Variants in PCYT1B observed in about 807,000 individuals in gnomAD.
The protein encoded by PCYT1B is phosphate cytidylyltransferase 1B, choline.
A neutral mutation model predicts 26.4 loss-of-function variants in PCYT1B; 10 were observed. The ratio of observed to expected loss-of-function variants is 0.38; its 90% CI spans 0.23 to 0.64. PCYT1B has a LOEUF of 0.64. Ranked by LOEUF, PCYT1B falls within the 30% of genes least tolerant of loss-of-function variation. The probability of loss-of-function intolerance (pLI) is 0.56; values close to 1 mark genes in which losing one functional copy is unlikely to be tolerated. For synonymous variants in PCYT1B, 131 were observed against 108.4 expected (o/e 1.21, Z -1.29); for missense variants, 161 against 292.7 (o/e 0.55, Z 3.28).
At chrX:24,658,706 A>G (rs1216402563) in intron 1 of PCYT1B, among the ~76,000 whole-genome samples, 1 of 111,204 alleles carries the variant, frequency 9.0e-6, no homozygotes, top group African/African-American at 3.3e-5. Context: ...TGGATAATCC[A>G]GGATAATCTC....
At chrX:24,579,505 C>A (rs928978237) in intron 5 of PCYT1B, 47 bp from the exon 6 acceptor site, 1 of 1,137,139 alleles carries the variant, frequency 8.8e-7, no homozygotes, top group African/African-American at 1.8e-5. Context: ...AAGATCACCT[C>A]AGTTGACCCA....
At position 24,577,799 on chromosome X, in the gene PCYT1B, G is replaced by T. The variant is rs758730770; in HGVS notation, c.708+1517C>A. On this transcript the variant is annotated intron_variant, in intron 6 of 7. Transcript: ENST00000379144. Reference sequence around the variant, plus strand: ...CGTCTATTTTGGGGGTTAGAATTCTGTATGTACGGAGGGTTCTTATTTTAA... The same window carrying T: ...CGTCTATTTTGGGGGTTAGAATTCTTTATGTACGGAGGGTTCTTATTTTAA... 9.8e-5 allele frequency among the ~76,000 whole-genome samples: 11 copies of T among 111,886 alleles called. No individual in the cohort carries two copies. The South Asian group carries it at 4.1e-3, about 42-fold the overall frequency.
At position 24,560,708 on chromosome X, in the gene PCYT1B, G is replaced by A. The variant is rs1923378513; in HGVS notation, c.*1585C>T. On this transcript the variant is annotated 3_prime_UTR_variant, in exon 8 of 8. Coordinates refer to ENST00000379144, the MANE Select transcript of PCYT1B (RefSeq NM_004845.5). ...TCACTGGTTGTCCCCTTGTCACCTA[G>A]AAGGCTGGTTCCCAAGGCCTCTGAA... 8.9e-6 allele frequency: 1 copy of A among 111,837 alleles called. No individual in the cohort carries two copies. The highest frequency in any genetic ancestry group is 1.9e-5 in the Non-Finnish European group (1 of 53,128). 9.2% of individuals were successfully genotyped at this position (111,837 alleles called of 1,213,427 possible).
chrX:24,583,515 C>T (rs1329197053), intron 5 of PCYT1B, among the ~76,000 whole-genome samples: 1 of 112,307 alleles, frequency 8.9e-6, no homozygotes, highest in Non-Finnish European at 1.9e-5. Flanking sequence ...AAGTCACTAA[C>T]TTTAGGAGTC....
chrX:24,623,706 C>T (rs1177547209), intron 1 of PCYT1B, among the ~76,000 whole-genome samples: 2 of 111,270 alleles, frequency 1.8e-5, no homozygotes, highest in Non-Finnish European at 3.8e-5. Context: ...ATATGTTGAG[C>T]ATTTCATGTA....
chrX:24,573,157 CACACACATAT>C (rs775927716), intron 7 of PCYT1B, among the ~76,000 whole-genome samples: 17 of 96,533 alleles, frequency 1.8e-4, no homozygotes, highest in Non-Finnish European at 3.0e-4. Context: ...CACACACACA[CACACACATAT>C]ATATATATAT....
intron 2 of PCYT1B, 150 bp from the exon 3 acceptor site, chrX:24,608,011 C>T (rs1256913525): frequency 2.4e-6 from 1 of 416,688 alleles, no homozygotes; most frequent in Admixed American, 4.5e-5. Flanking sequence ...TAAAGGGGTT[C>T]TTCTGAAGAC....
chrX:24,570,266 T>A (rs1923781348), intron 7 of PCYT1B, among the ~76,000 whole-genome samples: 2 of 109,427 alleles, frequency 1.8e-5, no homozygotes, highest in South Asian at 8.1e-4. Flanking sequence ...ACAAATTTGT[T>A]TTTTGAGGCG....
At chrX:24,623,488 T>C (rs949329109) in intron 1 of PCYT1B, among the ~76,000 whole-genome samples, 1 of 108,104 alleles carries the variant, frequency 9.3e-6, no homozygotes, top group African/African-American at 3.4e-5. Flanking sequence ...CCCAGTGCCC[T>C]GGACCTCACA....
At chrX:24,618,448 G>C (rs992478329) in intron 2 of PCYT1B, among the ~76,000 whole-genome samples, 2 of 111,352 alleles carry the variant, frequency 1.8e-5, no homozygotes, top group Non-Finnish European at 3.8e-5. Flanking sequence ...AAGTGACAAA[G>C]CTGGGGCTCA....
intron 1 of PCYT1B, among the ~76,000 whole-genome samples, chrX:24,671,571 C>A (rs1369980744): frequency 9.0e-6 from 1 of 111,208 alleles, no homozygotes; most frequent in Non-Finnish European, 1.9e-5. Flanking sequence ...GTGCTTAAAC[C>A]AGCCACCCAT....
intron 1 of PCYT1B, among the ~76,000 whole-genome samples, chrX:24,630,054 T>A (rs764889478): frequency 2.2e-4 from 25 of 111,696 alleles, no homozygotes; most frequent in African/African-American, 8.1e-4. Flanking sequence ...GCATAGATGC[T>A]ATTAACAATA....
upstream of PCYT1B, among the ~76,000 whole-genome samples, chrX:24,650,396 T>G (rs750502444): frequency 3.6e-4 from 36 of 101,206 alleles, no homozygotes; most frequent in South Asian, 5.5e-4. Flanking sequence ...CTCAGCTCAC[T>G]GCAACCTCTG....
chrX:24,591,086 C>T (rs12011722), intron 3 of PCYT1B, among the ~76,000 whole-genome samples: 1,380 of 111,682 alleles, frequency 0.012, 10 homozygotes, highest in Non-Finnish European at 0.018. Flanking sequence ...AGCCACCACA[C>T]CCGGCCTCCA....
intron 1 of PCYT1B, among the ~76,000 whole-genome samples, chrX:24,628,647 C>A (rs781371957): frequency 9.0e-6 from 1 of 110,882 alleles, no homozygotes; most frequent in African/African-American, 3.3e-5. Context: ...TGGAATCTTG[C>A]CGGATAGACA....
At chrX:24,650,510 C>T (rs994155258), upstream of PCYT1B, among the ~76,000 whole-genome samples, 13 of 110,588 alleles carry the variant, frequency 1.2e-4, no homozygotes, top group African/African-American at 4.0e-4. Context: ...TTGGTAGAGA[C>T]AGGGTTTCAC....
intron 5 of PCYT1B, among the ~76,000 whole-genome samples, chrX:24,585,431 T>C (rs1246960182): frequency 9.0e-6 from 1 of 111,618 alleles, no homozygotes; most frequent in Admixed American, 9.5e-5. Context: ...TAGAGGAATA[T>C]GGAAGGAAGC....
At chrX:24,628,660 T>A (rs898884953) in intron 1 of PCYT1B, among the ~76,000 whole-genome samples, 2 of 111,343 alleles carry the variant, frequency 1.8e-5, no homozygotes, top group Non-Finnish European at 3.8e-5. Context: ...GATAGACAGT[T>A]TTTTTCACTC....
chrX:24,603,330 C>T (rs1031334685), intron 3 of PCYT1B, among the ~76,000 whole-genome samples: 2 of 112,126 alleles, frequency 1.8e-5, no homozygotes, highest in Admixed American at 1.9e-4. Context: ...GGGCAGGGGC[C>T]AATGAAGCTA....
Sources: allele counts gnomAD v4.1 joint callset (sites outside exome capture counted in the v4.1 genomes callset), GRCh38; gene constraint gnomAD v4.1.1; transcripts MANE v1.5; gene names NCBI Gene and HGNC (gene_info 2026-07-23, HGNC 2026-07-21).